Variants in SLC8A1 observed in about 807,000 individuals in gnomAD.
SLC8A1 encodes solute carrier family 8 member A1.
SLC8A1 carries 18 observed loss-of-function variants against 68.3 expected under a neutral mutation model. That is an observed-to-expected ratio of 0.26 (90% CI 0.18 to 0.39). The LOEUF (loss-of-function observed/expected upper bound fraction) is 0.39. Ranked by LOEUF, SLC8A1 falls within the 10% of genes least tolerant of loss-of-function variation. The probability of loss-of-function intolerance (pLI) is 1.00; values close to 1 mark genes in which losing one functional copy is unlikely to be tolerated. For missense variants in SLC8A1, 985 were observed against 1,156.7 expected (o/e 0.85, Z 2.15); for synonymous variants, 475 against 415.5 (o/e 1.14, Z -1.74).
At chr2:40,370,485 C>T (rs1677676135) in intron 2 of SLC8A1, among the ~76,000 whole-genome samples, 1 of 152,076 alleles carries the variant, frequency 6.6e-6, no homozygotes, top group African/African-American at 2.4e-5. Context: ...AGTGACTTTG[C>T]TTTTTCTCAT....
intron 2 of SLC8A1, among the ~76,000 whole-genome samples, chr2:40,301,090 A>G (rs2071376201): frequency 6.6e-6 from 1 of 152,198 alleles, no homozygotes; most frequent in African/African-American, 2.4e-5. Flanking sequence ...GGTGGTCTTC[A>G]GCTTTGCATC....
intron 2 of SLC8A1, among the ~76,000 whole-genome samples, chr2:40,230,148 G>A (rs773773179): frequency 6.6e-6 from 1 of 152,134 alleles, no homozygotes; most frequent in African/African-American, 2.4e-5. Context: ...TGAAAGACAA[G>A]CCATCCTATG....
intron 7 of SLC8A1, among the ~76,000 whole-genome samples, chr2:40,126,709 AC>A (rs2038181582): frequency 6.6e-6 from 1 of 151,684 alleles, no homozygotes; most frequent in African/African-American, 2.4e-5. Flanking sequence ...CTATTAAAAT[AC>A]CCCCTCCCCC....
In SLC8A1 at chr2:40,170,319, C is replaced by G. The variant is rs148383040; in HGVS notation, c.1930+4506G>C. On this transcript the variant is annotated intron_variant, in intron 4 of 7. Transcript: ENST00000406785. The stretch of plus-strand genomic sequence containing the variant: ...TACAGTAGAGAGAATCGGATGTTCT[C>G]TAGCATGAACCTTCCTGAAGACAGG... 4.7e-5 allele frequency: 76 copies of G among 1,614,088 alleles called. No individual in the cohort carries two copies. The African/African-American group carries it at 8.9e-4, about 19-fold the overall frequency.
In SLC8A1 at chr2:40,216,052, C is replaced by T. The variant is rs538689938; in HGVS notation, c.1809-38197G>A. 2.9e-5 allele frequency among the ~76,000 whole-genome samples: 4 copies of T among 139,126 alleles called. No homozygotes were observed. The South Asian group carries it at 9.0e-4, about 31-fold the overall frequency. 91.3% of individuals were successfully genotyped at this position (139,126 alleles called of 152,430 possible). On this transcript the variant is annotated intron_variant, in intron 2 of 7. Transcript: ENST00000406785. ...AATTTTTTAAAAATTTTACTTTAAACTCTGGGATACATGTGCAGAACGTGC... is the reference window on the plus strand; with the variant it reads ...AATTTTTTAAAAATTTTACTTTAAATTCTGGGATACATGTGCAGAACGTGC...
intron 2 of SLC8A1, among the ~76,000 whole-genome samples, chr2:40,345,476 C>A (rs1197026891): frequency 6.6e-6 from 1 of 152,030 alleles, no homozygotes; most frequent in African/African-American, 2.4e-5. Context: ...AAAAATCATA[C>A]CATTAAGAAC....
chr2:40,260,979 G>C (rs2064619320), intron 2 of SLC8A1, among the ~76,000 whole-genome samples: 1 of 152,190 alleles, frequency 6.6e-6, no homozygotes, highest in Non-Finnish European at 1.5e-5. Context: ...TAGGAATACA[G>C]TTTAGTGAAG....
At chr2:40,127,802 A>G (rs2148172467) in intron 7 of SLC8A1, among the ~76,000 whole-genome samples, 1 of 152,332 alleles carries the variant, frequency 6.6e-6, no homozygotes, top group East Asian at 1.9e-4. Flanking sequence ...AATACAACAC[A>G]TAATTTCTTG....
At chr2:40,295,284 G>A (rs2070156154) in intron 2 of SLC8A1, among the ~76,000 whole-genome samples, 1 of 151,726 alleles carries the variant, frequency 6.6e-6, no homozygotes, top group Admixed American at 6.6e-5. Flanking sequence ...AAATTATTTT[G>A]TAGAGCCTGG....
intron 4 of SLC8A1, among the ~76,000 whole-genome samples, chr2:40,167,587 T>C (rs944788334): frequency 2.6e-5 from 4 of 152,190 alleles, no homozygotes; most frequent in African/African-American, 4.8e-5. Context: ...AGGCACACTG[T>C]TTCTATCATT....
In SLC8A1 at chr2:40,383,699, C is replaced by T. The variant is rs147353445; in HGVS notation, c.1808+44774G>A. Among the ~76,000 whole-genome samples the T allele has an allele frequency of 1.6e-3, 248 of 152,150 alleles. 2 individuals carry two copies. Among genetic ancestry groups the T allele is most frequent in the African/African-American group, 5.4e-3 (226 of 41,522 alleles). On this transcript the variant is annotated intron_variant, in intron 2 of 7. Transcript: ENST00000406785. The stretch of plus-strand genomic sequence containing the variant: ...CAAGTATTAAATATTAAGTAGTTGT[C>T]ACTTAAATCCATTTGATGGATTTTG...
intron 2 of SLC8A1, among the ~76,000 whole-genome samples, chr2:40,391,675 T>C (rs1333557349): frequency 1.3e-5 from 2 of 152,040 alleles, no homozygotes; most frequent in African/African-American, 2.4e-5. Context: ...TGCTTCCATA[T>C]CCACAACTTG....
At chr2:40,227,768 T>C (rs2059165462) in intron 2 of SLC8A1, among the ~76,000 whole-genome samples, 1 of 152,190 alleles carries the variant, frequency 6.6e-6, no homozygotes, top group South Asian at 2.1e-4. Context: ...TTCTGCCTTT[T>C]TGTCTCTAGT....
intron 2 of SLC8A1, among the ~76,000 whole-genome samples, chr2:40,331,534 T>C (rs997361928): frequency 2.0e-5 from 3 of 152,182 alleles, no homozygotes; most frequent in Non-Finnish European, 4.4e-5. Context: ...GGATGAGTTT[T>C]GTACTAAAAC....
chr2:40,367,719 GC>G (rs1676715117), intron 2 of SLC8A1, among the ~76,000 whole-genome samples: 1 of 151,890 alleles, frequency 6.6e-6, no homozygotes, highest in African/African-American at 2.4e-5. Context: ...TCAAGCTGTG[GC>G]CTATCCAGTA....
intron 7 of SLC8A1, among the ~76,000 whole-genome samples, chr2:40,135,379 G>A (rs1238170033): frequency 1.3e-5 from 2 of 151,794 alleles, no homozygotes; most frequent in African/African-American, 4.8e-5. Context: ...TGGTGGTGGA[G>A]AGATAGCTAG....
intron 1 of SLC8A1, among the ~76,000 whole-genome samples, chr2:40,476,474 C>T (rs1326596944): frequency 2.6e-5 from 4 of 152,122 alleles, no homozygotes; most frequent in Non-Finnish European, 5.9e-5. Context: ...AAAAGAAAAG[C>T]AAGCTTTGGG....
chr2:40,469,221 C>G (rs1475762270), intron 1 of SLC8A1, among the ~76,000 whole-genome samples: 1 of 152,016 alleles, frequency 6.6e-6, no homozygotes, highest in Non-Finnish European at 1.5e-5. Flanking sequence ...TGTCCCTAGC[C>G]GAATTTCATA....
chr2:40,237,041 T>A (rs2060488881), intron 2 of SLC8A1, among the ~76,000 whole-genome samples: 1 of 152,144 alleles, frequency 6.6e-6, no homozygotes, highest in African/African-American at 2.4e-5. Flanking sequence ...ACATTTTTTT[T>A]TTCCTTCATT....
Sources: allele counts gnomAD v4.1 joint callset (sites outside exome capture counted in the v4.1 genomes callset), GRCh38; gene constraint gnomAD v4.1.1; transcripts MANE v1.5; gene names NCBI Gene and HGNC (gene_info 2026-07-23, HGNC 2026-07-21).